SP100: variants seen among roughly 807,000 people sequenced by gnomAD.
SP100 encodes the protein nuclear autoantigen Sp-100.
Under a neutral mutation model 130.0 loss-of-function variants are expected in SP100, and 84 were observed. The ratio of observed to expected loss-of-function variants is 0.65; its 90% CI spans 0.54 to 0.77. SP100 has a LOEUF of 0.77. SP100 is among the 30% of genes least tolerant of loss of function. The pLI, the probability that SP100 is intolerant of heterozygous loss-of-function variation, is 0.00. For missense variants in SP100, 978 were observed against 1,052.2 expected, an observed-to-expected ratio of 0.93 and a Z score of 0.97; for synonymous variants, 331 against 351.7, an observed-to-expected ratio of 0.94 and a Z score of 0.66.
At chr2:230,505,908 G>A (rs551451318) in intron 21 of SP100, among the ~76,000 whole-genome samples, 5 of 152,216 alleles carry the variant, frequency 3.3e-5, no homozygotes, top group Non-Finnish European at 7.4e-5. Context: ...CATGGTAGAG[G>A]GCTTTATGCC....
rs546516563 is a variant in SP100 at position 230,517,122 on chromosome 2, T to A, written c.2094+5956T>A. On this transcript the variant is annotated intron_variant, in intron 24 of 28. Coordinates refer to ENST00000340126, the MANE Select transcript of SP100 (RefSeq NM_001080391.2). ...AGTTTCTCCCATACAATTTACCAAATCAGTCTAATCATTTAATATCTCTGC... is the reference window on the plus strand; with the variant it reads ...AGTTTCTCCCATACAATTTACCAAAACAGTCTAATCATTTAATATCTCTGC... 2.0e-5 allele frequency among the ~76,000 whole-genome samples: 3 copies of A among 152,300 alleles called. No homozygotes were observed. In the East Asian group the frequency reaches 5.8e-4, roughly 29 times the overall value.
intron 2 of SP100, among the ~76,000 whole-genome samples, chr2:230,428,983 G>A (rs1161338342): frequency 1.3e-5 from 2 of 152,144 alleles, no homozygotes; most frequent in Non-Finnish European, 2.9e-5. Context: ...AGTGACTTAT[G>A]CACAATCATT....
intron 1 of SP100, 115 bp downstream of exon 1, chr2:230,416,443 G>T: frequency 1.2e-6 from 1 of 856,274 alleles, no homozygotes; most frequent in South Asian, 1.6e-5. Context: ...CAAGAACATA[G>T]GTATGCGATG....
chr2:230,531,010 G>A (rs1320947479), intron 24 of SP100, among the ~76,000 whole-genome samples: 5 of 152,312 alleles, frequency 3.3e-5, no homozygotes, highest in African/African-American at 1.2e-4. Flanking sequence ...AGACAGTGTG[G>A]CAATTCCTCA....
chr2:230,456,499 T>C (rs976780124), intron 8 of SP100, among the ~76,000 whole-genome samples: 1 of 152,218 alleles, frequency 6.6e-6, no homozygotes, highest in Non-Finnish European at 1.5e-5. Context: ...TTAAATTAAC[T>C]TTCTACTTTT....
At chr2:230,531,664 A>G (rs1258940079) in intron 24 of SP100, among the ~76,000 whole-genome samples, 1 of 152,222 alleles carries the variant, frequency 6.6e-6, no homozygotes, top group African/African-American at 2.4e-5. Flanking sequence ...CAAATTTCAC[A>G]TACATGCTTG....
chr2:230,500,651 G>A (rs546553293), intron 19 of SP100, among the ~76,000 whole-genome samples: 33 of 152,280 alleles, frequency 2.2e-4, no homozygotes, highest in African/African-American at 7.2e-4. Context: ...GGAACTGTGG[G>A]GAGAAGGGAG....
chr2:230,428,296 T>C (rs1364232260), intron 2 of SP100, among the ~76,000 whole-genome samples: 5 of 150,490 alleles, frequency 3.3e-5, no homozygotes, highest in African/African-American at 1.2e-4. Context: ...AGAAAAGAGG[T>C]TTAATTGACT....
intron 24 of SP100, among the ~76,000 whole-genome samples, chr2:230,535,611 T>A (rs1691900513): frequency 6.6e-6 from 1 of 152,130 alleles, no homozygotes; most frequent in South Asian, 2.1e-4. Flanking sequence ...GTATGTTTAA[T>A]AAGAATCTGT....
At chr2:230,539,562 G>A (rs772049848) in intron 25 of SP100, among the ~76,000 whole-genome samples, 180 bp downstream of exon 25, 1 of 152,224 alleles carries the variant, frequency 6.6e-6, no homozygotes. Flanking sequence ...AGTGCTGGTA[G>A]CAGCAGATTA....
chr2:230,418,895 T>C (rs1008015265), intron 2 of SP100, among the ~76,000 whole-genome samples: 8 of 152,216 alleles, frequency 5.3e-5, no homozygotes, highest in Admixed American at 2.0e-4. Flanking sequence ...AGCAAATCTC[T>C]TCCTCTTCCT....
intron 2 of SP100, among the ~76,000 whole-genome samples, chr2:230,434,100 A>G: frequency 6.6e-6 from 1 of 151,784 alleles, no homozygotes; most frequent in East Asian, 1.9e-4. Context: ...TGCCTTCCCT[A>G]ACATTTATTC....
chr2:230,518,763 T>G (rs1691038187), intron 24 of SP100, among the ~76,000 whole-genome samples: 1 of 152,178 alleles, frequency 6.6e-6, no homozygotes, highest in Non-Finnish European at 1.5e-5. Flanking sequence ...TATCAGATGT[T>G]CACTTAAGAA....
At chr2:230,506,594 C>T in intron 22 of SP100, 149 bp downstream of exon 22, 1 of 693,300 alleles carries the variant, frequency 1.4e-6, no homozygotes, top group South Asian at 2.0e-5. Flanking sequence ...ACGTTCTCAC[C>T]TGAACATTAC....
chr2:230,496,590 C>G (rs2066679171), intron 18 of SP100, among the ~76,000 whole-genome samples: 1 of 152,062 alleles, frequency 6.6e-6, no homozygotes, highest in African/African-American at 2.4e-5. Context: ...ACTGCAATTA[C>G]TTTTGCACCA....
intron 2 of SP100, among the ~76,000 whole-genome samples, chr2:230,438,652 C>T (rs62193385): frequency 0.086 from 6,660 of 77,220 alleles, 525 homozygotes; most frequent in African/African-American, 0.23. Context: ...TATATATACA[C>T]ACACACACAC....
At chr2:230,524,792 C>T (rs757311739) in intron 24 of SP100, among the ~76,000 whole-genome samples, 1 of 152,124 alleles carries the variant, frequency 6.6e-6, no homozygotes, top group Non-Finnish European at 1.5e-5. Context: ...ATGCTAGTAT[C>T]TCATAGGCAA....
intron 21 of SP100, among the ~76,000 whole-genome samples, chr2:230,505,333 G>A (rs1314478854): frequency 1.3e-5 from 2 of 152,288 alleles, no homozygotes; most frequent in East Asian, 3.9e-4. Flanking sequence ...GGTGGAAAAT[G>A]TACACATCTG....
chr2:230,460,199 G>T (rs540775071), intron 8 of SP100, among the ~76,000 whole-genome samples: 1 of 152,194 alleles, frequency 6.6e-6, no homozygotes, highest in Non-Finnish European at 1.5e-5. Context: ...AGAAAAGAAT[G>T]CTCAAGGCAG....
Sources: gnomAD v4.1 joint callset for allele counts (sites outside exome capture counted in the v4.1 genomes callset) on GRCh38, gnomAD v4.1.1 for gene constraint, MANE v1.5 for transcripts, NCBI Gene and HGNC (gene_info 2026-07-23, HGNC 2026-07-21) for gene names.